TTLL5: variants seen among roughly 807,000 people sequenced by gnomAD.
TTLL5 encodes the protein tubulin polyglutamylase TTLL5.
A neutral mutation model predicts 168.4 loss-of-function variants in TTLL5; 132 were observed. That is an observed-to-expected ratio of 0.78 (90% CI 0.68 to 0.91). The LOEUF is 0.91. TTLL5 is among the 40% of genes least tolerant of loss of function. The pLI is 0.00. For missense variants in TTLL5, 1,545 were observed against 1,581.5 expected (o/e 0.98, Z 0.39); for synonymous variants, 546 against 558.6 (o/e 0.98, Z 0.32).
At chr14:75,895,229 A>G (rs751981343) in intron 30 of TTLL5, among the ~76,000 whole-genome samples, 2 of 152,218 alleles carry the variant, frequency 1.3e-5, no homozygotes, top group South Asian at 4.1e-4. Flanking sequence ...GTATGTGTGT[A>G]TGTGCAATTA....
chr14:75,875,387 A>C (rs1479267182), intron 29 of TTLL5, among the ~76,000 whole-genome samples: 1 of 150,092 alleles, frequency 6.7e-6, no homozygotes, highest in Non-Finnish European at 1.5e-5. Flanking sequence ...ACTAAAAAAA[A>C]AAAATACAAA....
At chr14:75,935,014 C>T (rs1020706607) in intron 31 of TTLL5, among the ~76,000 whole-genome samples, 17 of 152,160 alleles carry the variant, frequency 1.1e-4, no homozygotes, top group African/African-American at 4.1e-4. Flanking sequence ...ATAGGAAGAA[C>T]TTTACAAGAG....
intron 7 of TTLL5, among the ~76,000 whole-genome samples, chr14:75,701,403 G>T (rs1886264668): frequency 6.6e-6 from 1 of 152,140 alleles, no homozygotes; most frequent in Admixed American, 6.5e-5. Context: ...CGCTGGTCTG[G>T]GTTTCTACTG....
intron 29 of TTLL5, among the ~76,000 whole-genome samples, chr14:75,870,139 G>T (rs909208): frequency 0.9 from 136,794 of 152,092 alleles, 61,682 homozygotes; most frequent in African/African-American, 0.95. Flanking sequence ...TACTGACTCC[G>T]ATGAAACTAT....
chr14:75,952,944 G>A (rs550021995), intron 31 of TTLL5, among the ~76,000 whole-genome samples: 27 of 152,172 alleles, frequency 1.8e-4, no homozygotes, highest in Admixed American at 7.2e-4. Context: ...CTATGATGAC[G>A]GATGCACAAC....
chr14:75,768,824 A>G (rs1297599759), intron 20 of TTLL5, among the ~76,000 whole-genome samples: 1 of 152,180 alleles, frequency 6.6e-6, no homozygotes, highest in Non-Finnish European at 1.5e-5. Context: ...GGTTTGGAAC[A>G]GTGTCATGGA....
At chr14:75,910,892 C>T (rs1195065643) in intron 31 of TTLL5, among the ~76,000 whole-genome samples, 2 of 152,196 alleles carry the variant, frequency 1.3e-5, no homozygotes, top group African/African-American at 2.4e-5. Context: ...GTCTCTTATA[C>T]TTCTTTGTTC....
intron 22 of TTLL5, 83 bp from the exon 23 acceptor site, chr14:75,776,664 A>G (rs1891740562): frequency 1.0e-6 from 1 of 974,868 alleles, no homozygotes; most frequent in Non-Finnish European, 1.6e-6. Flanking sequence ...ACTCAAGGCT[A>G]TTGAAACTAC....
chr14:75,732,946 AT>A (rs1342421549), intron 13 of TTLL5, among the ~76,000 whole-genome samples: 2 of 152,182 alleles, frequency 1.3e-5, no homozygotes, highest in African/African-American at 2.4e-5. Context: ...AAAGAAACAT[AT>A]TTTTCAATAC....
At chr14:75,720,761 G>A in intron 12 of TTLL5, 58 bp downstream of exon 12, 4 of 1,386,858 alleles carry the variant, frequency 2.9e-6, no homozygotes, top group Admixed American at 1.7e-5. Context: ...GAAGTTGGAC[G>A]GGATTTTAGG....
In TTLL5 at chr14:75,764,675, G is replaced by T. The variant is rs1890854363; in HGVS notation, c.1611G>T (p.Leu537=). ...KIESLNSKAK[L]HAALYERKLL... ...AGAGTCTGAATTCAAAGGCCAAGCT[G>T]CATGCTGCACTTTACGAGAGGAAGC... The change falls in exon 19 of 32, where the codon CTG becomes CTT. Residue 537 remains leucine, a synonymous_variant. Coordinates refer to ENST00000298832, the MANE Select transcript of TTLL5 (RefSeq NM_015072.5). 3 of 1,614,168 alleles carry T rather than the reference G, an allele frequency of 1.9e-6. No homozygotes were observed. The highest frequency in any genetic ancestry group is 2.2e-5 in the South Asian group (2 of 91,082).
chr14:75,733,775 G>A (rs562616726), intron 13 of TTLL5, among the ~76,000 whole-genome samples: 7 of 152,264 alleles, frequency 4.6e-5, no homozygotes, highest in Admixed American at 3.9e-4. Context: ...ATGGTGCTGC[G>A]TTTGCATTAC....
In TTLL5 at chr14:75,686,353, A is replaced by G. The variant is rs541798714; in HGVS notation, c.371+2697A>G. ...TTGCCTCTTCTATATCCATCTCTCAATGATGTAGTTAAGTTCTCAACGGGG... is the reference window on the plus strand; with the variant it reads ...TTGCCTCTTCTATATCCATCTCTCAGTGATGTAGTTAAGTTCTCAACGGGG... On this transcript the variant is annotated intron_variant, in intron 5 of 31. Transcript: ENST00000298832. Among the ~76,000 whole-genome samples the G allele has an allele frequency of 5.9e-5, 9 of 152,200 alleles. No homozygotes were observed. In the South Asian group the frequency reaches 8.3e-4, roughly 14 times the overall value.
At chr14:75,771,897 TTTC>T in intron 21 of TTLL5, 43 bp downstream of exon 21, 1 of 1,555,108 alleles carries the variant, frequency 6.4e-7, no homozygotes, top group Non-Finnish European at 8.6e-7. Flanking sequence ...TCCCTTTTTC[TTTC>T]TTCTTTCTGT....
At chr14:75,942,719 T>G (rs2034649194) in intron 31 of TTLL5, among the ~76,000 whole-genome samples, 1 of 152,190 alleles carries the variant, frequency 6.6e-6, no homozygotes, top group Non-Finnish European at 1.5e-5. Flanking sequence ...TAAAAATACT[T>G]GCATTCTCTA....
intron 31 of TTLL5, among the ~76,000 whole-genome samples, chr14:75,945,179 T>C (rs1408735853): frequency 1.3e-5 from 2 of 150,084 alleles, no homozygotes; most frequent in Non-Finnish European, 3.0e-5. Flanking sequence ...TTGTTCCTGC[T>C]CTAAAGCTTT....
At chr14:75,914,663 G>T (rs551711964) in intron 31 of TTLL5, among the ~76,000 whole-genome samples, 6 of 125,814 alleles carry the variant, frequency 4.8e-5, no homozygotes, top group African/African-American at 1.9e-4. Context: ...TTGCTCTGTC[G>T]CCCAGGCTGG....
In TTLL5 at chr14:75,766,047, A is replaced by G. The variant is rs370456304; in HGVS notation, c.1709-15A>G. ...AATCCTTTTTTCAGCAACATTAGTG[A>G]TTCTTCGTATTTAGTGATTACCCAA... On this transcript the variant is annotated splice_polypyrimidine_tract_variant and intron_variant, in intron 19 of 31. Coordinates refer to ENST00000298832, the MANE Select transcript of TTLL5 (RefSeq NM_015072.5). The G allele has an allele frequency of 6.3e-7, 1 of 1,596,314 alleles. No individual in the cohort carries two copies. Among genetic ancestry groups the G allele is most frequent in the African/African-American group, 1.4e-5 (1 of 74,030 alleles).
intron 2 of TTLL5, among the ~76,000 whole-genome samples, chr14:75,667,984 C>T (rs1455516597): frequency 6.6e-6 from 1 of 152,000 alleles, no homozygotes; most frequent in African/African-American, 2.4e-5. Flanking sequence ...TGGTCTCGAT[C>T]TCTTGACCTC....
Sources: allele counts gnomAD v4.1 joint callset (sites outside exome capture counted in the v4.1 genomes callset), GRCh38; gene constraint gnomAD v4.1.1; transcripts MANE v1.5; gene names NCBI Gene and HGNC (gene_info 2026-07-23, HGNC 2026-07-21).